Variants in SH3RF3 observed in about 807,000 individuals in gnomAD.
The protein encoded by SH3RF3 is E3 ubiquitin-protein ligase SH3RF3.
In SH3RF3, 29 loss-of-function variants were observed where a neutral mutation model predicts 66.3. The observed-to-expected ratio is 0.44, with a 90% CI of 0.33 to 0.60. The LOEUF (loss-of-function observed/expected upper bound fraction) is 0.60, where lower values mean the gene tolerates loss of function less well. Among genes scored for constraint, SH3RF3 ranks in the 20% least tolerant of loss-of-function variants. The pLI, the probability that SH3RF3 is intolerant of heterozygous loss-of-function variation, is 0.04. For missense variants in SH3RF3, 1,194 were observed against 1,190.9 expected (o/e 1.00, Z -0.04); for synonymous variants, 583 against 532.0 (o/e 1.10, Z -1.32).
chr2:109,385,787 A>ACT (rs1168713255), intron 3 of SH3RF3, among the ~76,000 whole-genome samples: 4 of 152,212 alleles, frequency 2.6e-5, no homozygotes, highest in Admixed American at 2.6e-4. Context: ...CAGCCACTGG[A>ACT]CTGAGGTAGG....
chr2:109,446,809 G>GCC (rs1245609785), intron 7 of SH3RF3, among the ~76,000 whole-genome samples: 63 of 152,180 alleles, frequency 4.1e-4, no homozygotes, highest in Middle Eastern at 6.8e-3. Context: ...AGTGCGGCAG[G>GCC]CGAGGGGAAG....
rs774770044 is a variant in SH3RF3 at position 109,398,656 on chromosome 2, A to G, written c.1012A>G (p.Asn338Asp). 1 of 1,605,806 alleles carries G rather than the reference A, an allele frequency of 6.2e-7. No homozygotes were observed. Among genetic ancestry groups the G allele is most frequent in the East Asian group, 2.2e-5 (1 of 44,462 alleles). The change falls in exon 4 of 10, where the codon AAT (asparagine) becomes GAT (aspartate). Residue 338 changes from asparagine to aspartate, a missense_variant. By Grantham distance (23) the Asn-to-Asp change is conservative. Coordinates refer to ENST00000309415, the MANE Select transcript of SH3RF3 (RefSeq NM_001099289.3). ...KPCPAAASSCNASLPSDSGAV... is the reference protein window; with the variant it reads ...KPCPAAASSCDASLPSDSGAV... ...ATGCCCAGCCGCTGCATCCAGCTGCAATGCCTCCCTGCCCTCTGACTCCGG... is the reference window on the plus strand; with the variant it reads ...ATGCCCAGCCGCTGCATCCAGCTGCGATGCCTCCCTGCCCTCTGACTCCGG...
chr2:109,239,118 C>T (rs540083504), intron 1 of SH3RF3, among the ~76,000 whole-genome samples: 32 of 152,200 alleles, frequency 2.1e-4, no homozygotes, highest in Non-Finnish European at 3.4e-4. Context: ...ACGTCTTTTC[C>T]GAGTGTCCCA....
chr2:109,498,209 T>A (rs1381380196), intron 9 of SH3RF3, among the ~76,000 whole-genome samples: 1 of 152,168 alleles, frequency 6.6e-6, no homozygotes. Context: ...AGATAGCCCA[T>A]GGGAACCAGT....
intron 2 of SH3RF3, among the ~76,000 whole-genome samples, chr2:109,365,080 C>T (rs1683130089): frequency 8.1e-6 from 1 of 124,116 alleles, no homozygotes; most frequent in Non-Finnish European, 1.8e-5. Flanking sequence ...ACAAACAAAA[C>T]ATCCCAATGG....
intron 3 of SH3RF3, among the ~76,000 whole-genome samples, chr2:109,374,344 C>T (rs374219985): frequency 1.8e-4 from 28 of 152,268 alleles, no homozygotes; most frequent in East Asian, 7.7e-4. Context: ...TACAGGCTCC[C>T]GGACTCTCAG....
chr2:109,203,331 T>C (rs926310771), intron 1 of SH3RF3, among the ~76,000 whole-genome samples: 1 of 152,246 alleles, frequency 6.6e-6, no homozygotes, highest in African/African-American at 2.4e-5. Flanking sequence ...GTGGCGCAGA[T>C]GCGGCGGAGC....
At chr2:109,368,932 T>C (rs1683204507) in intron 2 of SH3RF3, among the ~76,000 whole-genome samples, 1 of 147,010 alleles carries the variant, frequency 6.8e-6, no homozygotes, top group African/African-American at 2.6e-5. Context: ...AATCATGCCT[T>C]GGGCCTCTGC....
intron 1 of SH3RF3, among the ~76,000 whole-genome samples, chr2:109,161,202 G>C (rs1377716462): frequency 6.6e-6 from 1 of 152,190 alleles, no homozygotes; most frequent in Non-Finnish European, 1.5e-5. Flanking sequence ...TAAATCCTGG[G>C]GGCAGGTGAG....
chr2:109,443,833 A>G (rs1677638266), intron 7 of SH3RF3, among the ~76,000 whole-genome samples: 1 of 152,240 alleles, frequency 6.6e-6, no homozygotes, highest in East Asian at 1.9e-4. Flanking sequence ...TTGATAGAAC[A>G]GTTAGATATA....
intron 1 of SH3RF3, among the ~76,000 whole-genome samples, chr2:109,344,425 C>T (rs552860861): frequency 2.0e-5 from 3 of 152,292 alleles, no homozygotes; most frequent in East Asian, 1.9e-4. Flanking sequence ...ACAGACTTCT[C>T]GTGACTGAGG....
At chr2:109,337,681 C>T (rs1171010949) in intron 1 of SH3RF3, among the ~76,000 whole-genome samples, 3 of 151,410 alleles carry the variant, frequency 2.0e-5, no homozygotes, top group Admixed American at 1.3e-4. Context: ...CAGCATATGC[C>T]GTATGCTACC....
intron 1 of SH3RF3, among the ~76,000 whole-genome samples, chr2:109,250,282 A>G (rs1331180646): frequency 1.3e-5 from 2 of 152,176 alleles, no homozygotes; most frequent in Non-Finnish European, 2.9e-5. Flanking sequence ...CCTGGGGAAG[A>G]CATCTCGCCC....
At chr2:109,312,059 C>T (rs1219351413) in intron 1 of SH3RF3, among the ~76,000 whole-genome samples, 1 of 152,086 alleles carries the variant, frequency 6.6e-6, no homozygotes, top group Non-Finnish European at 1.5e-5. Flanking sequence ...CAGCCATAGA[C>T]TAGGGGAACC....
intron 1 of SH3RF3, among the ~76,000 whole-genome samples, chr2:109,290,369 C>A (rs928928065): frequency 3.9e-5 from 6 of 152,332 alleles, no homozygotes; most frequent in Admixed American, 6.5e-5. Flanking sequence ...TTAGTGTGAT[C>A]AGGGATGAAT....
chr2:109,338,984 C>T (rs903066255), intron 1 of SH3RF3, among the ~76,000 whole-genome samples: 7 of 152,116 alleles, frequency 4.6e-5, no homozygotes, highest in South Asian at 2.1e-4. Flanking sequence ...TAGAATAAAG[C>T]GAGCTAGAGA....
intron 3 of SH3RF3, 55 bp downstream of exon 3, chr2:109,371,736 C>T (rs1683277318): frequency 1.3e-6 from 2 of 1,501,940 alleles, no homozygotes; most frequent in African/African-American, 2.8e-5. Context: ...CCTTGTTTCA[C>T]TACAGTGGGG....
At chr2:109,224,825 C>G (rs1181451647) in intron 1 of SH3RF3, among the ~76,000 whole-genome samples, 1 of 152,054 alleles carries the variant, frequency 6.6e-6, no homozygotes, top group Non-Finnish European at 1.5e-5. Context: ...CCACTGCAGT[C>G]CAGCCTGGGT....
intron 3 of SH3RF3, among the ~76,000 whole-genome samples, chr2:109,396,487 G>A (rs184509141): frequency 6.6e-6 from 1 of 152,322 alleles, no homozygotes; most frequent in Admixed American, 6.5e-5. Flanking sequence ...TGATCTGCTC[G>A]GCCTGCACGG....
Sources: gnomAD v4.1 joint callset for allele counts (sites outside exome capture counted in the v4.1 genomes callset) on GRCh38, gnomAD v4.1.1 for gene constraint, MANE v1.5 for transcripts, NCBI Gene and HGNC (gene_info 2026-07-23, HGNC 2026-07-21) for gene names.